Variants in HERC1 observed in about 807,000 individuals in gnomAD.
HERC1 encodes HECT and RLD domain containing E3 ubiquitin protein ligase family member 1.
HERC1 carries 160 observed loss-of-function variants against 554.3 expected under a neutral mutation model. That is an observed-to-expected ratio of 0.29 (90% CI 0.25 to 0.33). The LOEUF (loss-of-function observed/expected upper bound fraction) is 0.33, where lower values mean the gene tolerates loss of function less well. Ranked by LOEUF, HERC1 falls within the 10% of genes least tolerant of loss-of-function variation. The pLI is 1.00. For synonymous variants in HERC1, 2,175 were observed against 2,131.7 expected (o/e 1.02, Z -0.56); for missense variants, 4,919 against 5,918.5 (o/e 0.83, Z 5.54).
chr15:63,674,455 G>A lies in HERC1; in HGVS notation c.7733C>T (p.Ser2578Leu). 6.2e-7 allele frequency: 1 copy of A among 1,613,934 alleles called. No individual in the cohort carries two copies. The highest frequency in any genetic ancestry group is 1.7e-5 in the Admixed American group (1 of 60,010). ...TAATCCCAATGCTCTCTTTATGGGT[G>A]ACCGCATGACTGCTCGCTTCACCAT... ...RHMVKRAVMR[S>L]PIKRALGLAD... Residue 2578 changes from serine to leucine, a missense_variant, in exon 38 of 78, where the codon TCA becomes TTA. Physicochemically the swap from Ser to Leu is moderately radical, Grantham distance 145 (BLOSUM62 -2). This residue lies in a region of HERC1 where 1,963 missense variants were observed against 2,228.6 expected (regional missense o/e 0.88). Transcript: ENST00000443617.
chr15:63,684,327 T>C (rs1415280585), intron 34 of HERC1, among the ~76,000 whole-genome samples: 1 of 152,184 alleles, frequency 6.6e-6, no homozygotes, highest in Non-Finnish European at 1.5e-5. Context: ...AAGAAACTGA[T>C]CTTTTCCAGA....
intron 16 of HERC1, 48 bp downstream of exon 16, chr15:63,729,188 C>A: frequency 3.9e-6 from 6 of 1,526,120 alleles, no homozygotes; most frequent in Non-Finnish European, 5.3e-6. Flanking sequence ...GCCAAGTGTT[C>A]TTACTTCTTA....
chr15:63,695,171 G>A (rs1458386426), intron 27 of HERC1, among the ~76,000 whole-genome samples: 1 of 151,964 alleles, frequency 6.6e-6, no homozygotes, highest in Non-Finnish European at 1.5e-5. Context: ...AAGTAGCTGG[G>A]ACTACAGGCA....
chr15:63,807,564 T>A (rs4776681), intron 1 of HERC1, among the ~76,000 whole-genome samples: 123,500 of 152,014 alleles, frequency 0.81, 52,007 homozygotes, highest in Non-Finnish European at 0.87. Flanking sequence ...CCTTAACCCT[T>A]CCCAAAACTC....
intron 57 of HERC1, 111 bp downstream of exon 57, chr15:63,644,881 T>A: frequency 1.4e-6 from 1 of 734,182 alleles, no homozygotes; most frequent in Non-Finnish European, 2.4e-6. Flanking sequence ...TCCCAATGGA[T>A]CTTGCCCTTT....
rs1429904347 is a variant in HERC1 at position 63,678,262 on chromosome 15, T to A, written c.6653A>T (p.Gln2218Leu). The A allele has an allele frequency of 6.2e-7, 1 of 1,613,762 alleles. No individual in the cohort carries two copies. Among genetic ancestry groups the A allele is most frequent in the Admixed American group, 1.7e-5 (1 of 59,984 alleles). ...VAAVLAEATI[Q>L]LIRILHRTDR... The stretch of plus-strand genomic sequence containing the variant: ...TGTTCGGTGAAGGATACGGATGAGC[T>A]GAATAGTGGCCTCAGCCAGCACTGC... The change falls in exon 37 of 78, where the codon CAG becomes CTG. Residue 2218 changes from glutamine (Q) to leucine (L), a missense_variant. Physicochemically the swap from Gln to Leu is moderately radical, Grantham distance 113. Coordinates refer to ENST00000443617, the MANE Select transcript of HERC1 (RefSeq NM_003922.4).
intron 75 of HERC1, 137 bp from the exon 76 acceptor site, chr15:63,616,057 C>T: frequency 2.8e-6 from 2 of 710,866 alleles, no homozygotes; most frequent in South Asian, 3.8e-5. Context: ...ACAGGTAGGA[C>T]TGATCAGGCT....
In HERC1 at chr15:63,680,017, A is replaced by G. The variant is rs2071400239; in HGVS notation, c.6549+60T>C. ...ATAGCTTATTATATTTATAAACTCTATCTGATGCTAAACAATAAAATAACA... is the reference window on the plus strand; with the variant it reads ...ATAGCTTATTATATTTATAAACTCTGTCTGATGCTAAACAATAAAATAACA... On this transcript the variant is annotated intron_variant, in intron 36 of 77. Transcript: ENST00000443617. This position sits in a 1 kb window ranked among gnomAD's most constrained non-coding sequence, Gnocchi z 5.8. 1 of 1,173,466 alleles carries G rather than the reference A, an allele frequency of 8.5e-7. No individual in the cohort carries two copies. 72.7% of individuals were successfully genotyped at this position (1,173,466 alleles called of 1,614,324 possible).
At chr15:63,698,706 G>C (rs754830883) in intron 26 of HERC1, 22 bp downstream of exon 26, 1 of 1,603,668 alleles carries the variant, frequency 6.2e-7, no homozygotes, top group Non-Finnish European at 8.5e-7. Context: ...GCTCTCATAA[G>C]GAGTAAATAT....
chr15:63,655,968 T>C lies in HERC1; in HGVS notation c.9871-13A>G. On this transcript the variant is annotated splice_polypyrimidine_tract_variant and intron_variant, in intron 49 of 77. Transcript: ENST00000443617. ...CAGAAATCAAGTTCTGAAGAAGCAA[T>C]TGGAAAAACAGACTTAATTTTTACA... is the stretch of plus-strand genomic sequence containing the variant. 6.2e-7 allele frequency: 1 copy of C among 1,604,784 alleles called. No homozygotes were observed. The highest frequency in any genetic ancestry group is 8.5e-7 in the Non-Finnish European group (1 of 1,174,146).
At chr15:63,683,720 C>T (rs889245803) in intron 34 of HERC1, among the ~76,000 whole-genome samples, 2 of 152,184 alleles carry the variant, frequency 1.3e-5, no homozygotes, top group African/African-American at 4.8e-5. Context: ...GTAAACAGAG[C>T]TCACTGTGGC....
chr15:63,680,024 G>A lies in HERC1; in HGVS notation c.6549+53C>T, dbSNP rs894785176. 1.3e-5 allele frequency: 17 copies of A among 1,271,556 alleles called. No homozygotes were observed. In the Admixed American group the frequency reaches 2.9e-4, roughly 22 times the overall value. 78.8% of individuals were successfully genotyped at this position (1,271,556 alleles called of 1,614,324 possible). A position where few individuals can be genotyped will look rare whatever the true frequency, so the allele number is the denominator to read the frequency against. Reference sequence around the variant, plus strand: ...ATTATATTTATAAACTCTATCTGATGCTAAACAATAAAATAACAAATATTC... The same window carrying A: ...ATTATATTTATAAACTCTATCTGATACTAAACAATAAAATAACAAATATTC... On this transcript the variant is annotated intron_variant, in intron 36 of 77. Coordinates refer to ENST00000443617, the MANE Select transcript of HERC1 (RefSeq NM_003922.4). This position sits in a 1 kb window ranked among gnomAD's most constrained non-coding sequence, Gnocchi z 5.8.
At chr15:63,618,320 C>T (rs1487579555) in intron 74 of HERC1, among the ~76,000 whole-genome samples, 9 of 152,108 alleles carry the variant, frequency 5.9e-5, no homozygotes, top group East Asian at 5.8e-4. Context: ...TGTAGATATG[C>T]GGCATTATTT....
chr15:63,812,593 A>T (rs1422087974), intron 1 of HERC1, among the ~76,000 whole-genome samples: 1 of 152,222 alleles, frequency 6.6e-6, no homozygotes, highest in Non-Finnish European at 1.5e-5. Context: ...TTGACAAAAA[A>T]TAAGCAGAAT....
chr15:63,638,791 G>T lies in HERC1; in HGVS notation c.11902-15C>A. ...TTACTGTTATCCTGAAAAACAGGGG[G>T]TACATAATGATCAATTCTGCTTAGG... On this transcript the variant is annotated splice_polypyrimidine_tract_variant and intron_variant, in intron 61 of 77. Transcript: ENST00000443617. 1.2e-6 allele frequency: 2 copies of T among 1,606,614 alleles called. No homozygotes were observed. The highest frequency in any genetic ancestry group is 1.7e-6 in the Non-Finnish European group (2 of 1,173,306).
chr15:63,721,211 T>C (rs558834115), intron 19 of HERC1, among the ~76,000 whole-genome samples: 378 of 152,250 alleles, frequency 2.5e-3, no homozygotes, highest in Non-Finnish European at 4.3e-3. Context: ...CACAACAGAA[T>C]GAATGAATAA....
chr15:63,680,170 G>A lies in HERC1; in HGVS notation c.6466-10C>T, dbSNP rs770038523. ...AAGCTAATTTGGGTTCCTACAGTGTGGCAGCAGTGAGGAAAAGAAAAAGGA... is the reference window on the plus strand; with the variant it reads ...AAGCTAATTTGGGTTCCTACAGTGTAGCAGCAGTGAGGAAAAGAAAAAGGA... On this transcript the variant is annotated splice_polypyrimidine_tract_variant and intron_variant, in intron 35 of 77. Transcript: ENST00000443617. The surrounding 1 kb of genome is among the most constrained non-coding windows in gnomAD (Gnocchi z 5.8). 1.2e-6 allele frequency: 2 copies of A among 1,603,910 alleles called. No homozygotes were observed. The highest frequency in any genetic ancestry group is 1.7e-6 in the Non-Finnish European group (2 of 1,173,146).
intron 30 of HERC1, among the ~76,000 whole-genome samples, chr15:63,693,344 A>C (rs2072230727): frequency 6.6e-6 from 1 of 151,468 alleles, no homozygotes; most frequent in Non-Finnish European, 1.5e-5. Context: ...CCCGGGTTCA[A>C]GTGATTCTTG....
Position 63,663,139 on chromosome 15 carries a change from G to C in HERC1, c.8746C>G (p.Gln2916Glu). ...QSRREGISLQ[Q>E]DPGALYDFNL... is the part of the protein sequence containing the mutation. The stretch of plus-strand genomic sequence containing the variant: ...AAGTCATACAACGCCCCTGGGTCTT[G>C]CTGCAAAGATATTCCTTCTCTCCGA... The change falls in exon 44 of 78, where the codon CAA becomes GAA. Residue 2916 changes from glutamine to glutamate, a missense_variant. Gln to Glu is a conservative substitution (Grantham distance 29). This residue lies in a region of HERC1 where 1,963 missense variants were observed against 2,228.6 expected (regional missense o/e 0.88). Coordinates refer to ENST00000443617, the MANE Select transcript of HERC1 (RefSeq NM_003922.4). 6.2e-7 allele frequency: 1 copy of C among 1,613,996 alleles called. No homozygotes were observed. The highest frequency in any genetic ancestry group is 8.5e-7 in the Non-Finnish European group (1 of 1,179,864).
Sources: gnomAD v4.1 joint callset for allele counts (sites outside exome capture counted in the v4.1 genomes callset) on GRCh38, gnomAD v4.1.1 for gene constraint, gnomAD v4.1.1 regional missense constraint, Gnocchi (gnomAD v3.1) non-coding constraint, MANE v1.5 for transcripts, NCBI Gene and HGNC (gene_info 2026-07-23, HGNC 2026-07-21) for gene names.